Variants in ENPP3 observed in about 807,000 individuals in gnomAD.
ENPP3 encodes the protein ectonucleotide pyrophosphatase/phosphodiesterase family member 3.
Under a neutral mutation model 117.8 loss-of-function variants are expected in ENPP3, and 104 were observed. The observed-to-expected ratio is 0.88, with a 90% CI of 0.75 to 1.04. ENPP3 has a LOEUF of 1.04. ENPP3 is among the 50% of genes least tolerant of loss of function. The probability of loss-of-function intolerance (pLI) is 0.00; values close to 1 mark genes in which losing one functional copy is unlikely to be tolerated. For missense variants in ENPP3, 1,026 were observed against 1,051.9 expected (o/e 0.98, Z 0.34); for synonymous variants, 380 against 349.9 (o/e 1.09, Z -0.96).
intron 6 of ENPP3, among the ~76,000 whole-genome samples, chr6:131,667,122 G>T (rs918221248): frequency 1.3e-5 from 2 of 152,016 alleles, no homozygotes; most frequent in African/African-American, 4.8e-5. Flanking sequence ...GTTTTGTTTT[G>T]GTCGTGGGGC....
chr6:131,745,180 G>A (rs933346097), intron 24 of ENPP3, among the ~76,000 whole-genome samples: 4 of 151,926 alleles, frequency 2.6e-5, no homozygotes, highest in Admixed American at 2.6e-4. Flanking sequence ...GATATTAGGT[G>A]CTGCTGAAAT....
At chr6:131,646,917 A>G (rs1432188983) in intron 2 of ENPP3, among the ~76,000 whole-genome samples, 1 of 150,848 alleles carries the variant, frequency 6.6e-6, no homozygotes, top group African/African-American at 2.4e-5. Flanking sequence ...CTTTTTGTGA[A>G]ATTTTGTGGA....
intron 15 of ENPP3, among the ~76,000 whole-genome samples, chr6:131,711,385 C>A (rs1170325836): frequency 1.4e-5 from 2 of 140,544 alleles, no homozygotes; most frequent in Admixed American, 1.4e-4. Flanking sequence ...ATTACATAAT[C>A]TCTGGTTTTG....
intron 6 of ENPP3, among the ~76,000 whole-genome samples, chr6:131,660,381 A>C (rs564592851): frequency 1.1e-4 from 17 of 152,338 alleles, no homozygotes; most frequent in Admixed American, 5.2e-4. Flanking sequence ...CATATTAGTG[A>C]CTGTTAAGTG....
intron 5 of ENPP3, among the ~76,000 whole-genome samples, chr6:131,655,382 G>A (rs1339714612): frequency 6.6e-6 from 1 of 152,194 alleles, no homozygotes; most frequent in Non-Finnish European, 1.5e-5. Context: ...AGAATGAAAT[G>A]GAGGCAAAAG....
chr6:131,664,600 C>T (rs943631484), intron 6 of ENPP3, among the ~76,000 whole-genome samples: 7 of 152,210 alleles, frequency 4.6e-5, no homozygotes, highest in Admixed American at 3.9e-4. Context: ...TCACCACTCA[C>T]TCACTGACTT....
rs567310843 is a variant in ENPP3, at chr6:131,668,338, C to T, written c.563-2910C>T. On this transcript the variant is annotated intron_variant, in intron 6 of 24. Transcript: ENST00000357639. The stretch of plus-strand genomic sequence containing the variant: ...AGTGATTCTCCTGTCTCGCCCCCCC[C>T]TGAGGATCTGGGATTACAGGCACGC... Among the ~76,000 whole-genome samples, 18 of 151,328 alleles carry T rather than the reference C, an allele frequency of 1.2e-4. No individual in the cohort carries two copies. In the East Asian group the frequency reaches 3.3e-3, roughly 28 times the overall value.
chr6:131,676,925 A>G, intron 10 of ENPP3, 124 bp downstream of exon 10: 1 of 634,336 alleles, frequency 1.6e-6, no homozygotes. Flanking sequence ...GCATTGCCTT[A>G]TAATGGACAC....
At chr6:131,725,124 G>C (rs6908953) in intron 19 of ENPP3, among the ~76,000 whole-genome samples, 20,856 of 151,738 alleles carry the variant, frequency 0.14, 2,040 homozygotes, top group East Asian at 0.32. Flanking sequence ...TCAGGAGGAG[G>C]CTGAGGTAGG....
Position 131,692,698 on chromosome 6 carries a change from A to AAT in ENPP3, c.1285-793_1285-792dup, listed in dbSNP as rs201952088. 8.4e-3 allele frequency among the ~76,000 whole-genome samples: 1,233 copies of AAT among 146,420 alleles called. 18 individuals carry two copies. Among genetic ancestry groups the AAT allele is most frequent in the African/African-American group, 0.029 (1,171 of 40,252 alleles). On this transcript the variant is annotated intron_variant, in intron 14 of 24. Coordinates refer to ENST00000357639, the MANE Select transcript of ENPP3 (RefSeq NM_005021.5). ...ATATATGGTTATATATATTACATAT[A>AAT]ATATATAACCATATATAGTATATAT...
intron 1 of ENPP3, 28 bp downstream of exon 1, chr6:131,637,490 T>C (rs1462870939): frequency 7.7e-7 from 1 of 1,291,240 alleles, no homozygotes; most frequent in Non-Finnish European, 1.1e-6. Flanking sequence ...TTTTAGTCTT[T>C]CTAGTTTTGT....
rs145583301 is a variant in ENPP3 at position 131,680,604 on chromosome 6, G to A, written c.1012-2450G>A. On this transcript the variant is annotated intron_variant, in intron 11 of 24. Coordinates refer to ENST00000357639, the MANE Select transcript of ENPP3 (RefSeq NM_005021.5). ...ACTTGAGAAGAAGAGGCAAATGAAT[G>A]GAAGTAGAGATTTTCTGACTTTCTT... 8.0e-3 allele frequency among the ~76,000 whole-genome samples: 1,219 copies of A among 152,260 alleles called. 12 individuals are homozygous for A. Among genetic ancestry groups the A allele is most frequent in the African/African-American group, 0.025 (1,019 of 41,540 alleles).
Position 131,740,225 on chromosome 6 carries a change from C to T in ENPP3, c.2302C>T (p.His768Tyr). The T allele has an allele frequency of 6.3e-7, 1 of 1,577,282 alleles. No individual in the cohort carries two copies. The highest frequency in any genetic ancestry group is 8.6e-7 in the Non-Finnish European group (1 of 1,161,396). ...HFDAPDEITKHLANTDVPIPT... is the reference protein window; with the variant it reads ...HFDAPDEITKYLANTDVPIPT... ...CATGTTTTCAATTATGTTTGTAAGA[C>T]ATTTAGCCAACACTGATGTTCCCAT... is the stretch of plus-strand genomic sequence containing the variant. Residue 768 changes from histidine (H) to tyrosine (Y), a missense_variant and splice_region_variant, in exon 24 of 25, where the codon CAT (histidine) becomes TAT (tyrosine). His to Tyr is a moderately conservative substitution (Grantham distance 83). Transcript: ENST00000357639.
In ENPP3 at chr6:131,638,746, G is replaced by T. The variant is rs542942514; in HGVS notation, c.78+1284G>T. ...GGCCTCTAGTGTTTTCCTCAGCCAA[G>T]AATTCCAAGTAATCCACCAGCTCTG... On this transcript the variant is annotated intron_variant, in intron 1 of 24. Coordinates refer to ENST00000357639, the MANE Select transcript of ENPP3 (RefSeq NM_005021.5). Among the ~76,000 whole-genome samples the T allele has an allele frequency of 2.2e-4, 34 of 151,910 alleles. No homozygotes were observed. The South Asian group carries it at 7.1e-3, about 32-fold the overall frequency.
At chr6:131,736,434 T>G (rs1271641236) in intron 21 of ENPP3, among the ~76,000 whole-genome samples, 1 of 152,156 alleles carries the variant, frequency 6.6e-6, no homozygotes, top group African/African-American at 2.4e-5. Flanking sequence ...AGACAGCGTG[T>G]GCAGGGGAAC....
intron 5 of ENPP3, among the ~76,000 whole-genome samples, chr6:131,655,190 C>A (rs1778359830): frequency 6.6e-6 from 1 of 152,146 alleles, no homozygotes; most frequent in Non-Finnish European, 1.5e-5. Context: ...TTAAGGTGTG[C>A]CCATGGCCTC....
At chr6:131,734,057 C>T (rs985597312) in intron 21 of ENPP3, among the ~76,000 whole-genome samples, 7 of 152,116 alleles carry the variant, frequency 4.6e-5, no homozygotes. Context: ...AAGCTAAGGT[C>T]CACCTGGAGA....
Position 131,650,147 on chromosome 6 carries a change from C to A in ENPP3, c.275C>A (p.Ser92Ter). The A allele has an allele frequency of 6.2e-7, 1 of 1,613,934 alleles. No individual in the cohort carries two copies. Among genetic ancestry groups the A allele is most frequent in the Non-Finnish European group, 8.5e-7 (1 of 1,179,892 alleles). The change falls in exon 3 of 25, where the codon TCA becomes TAA. Residue 92 changes from serine to a stop codon, truncating the protein, a stop_gained and splice_region_variant. Coordinates refer to ENST00000357639, the MANE Select transcript of ENPP3 (RefSeq NM_005021.5). LOFTEE classifies it high-confidence loss of function. ...CWDFEDTCVE[S>*]TRIWMCNKFR... ...GATTTTGAAGACACCTGTGTGGAAT[C>A]AAGTATGAGTTCTGAGAATAAGTTT...
chr6:131,668,260 T>C (rs1043943935), intron 6 of ENPP3, among the ~76,000 whole-genome samples: 1 of 133,108 alleles, frequency 7.5e-6, no homozygotes, highest in Non-Finnish European at 1.5e-5. Context: ...TCGCCGAGGC[T>C]GGAGCACAGT....
Sources: gnomAD v4.1 joint callset for allele counts (sites outside exome capture counted in the v4.1 genomes callset) on GRCh38, gnomAD v4.1.1 for gene constraint, MANE v1.5 for transcripts, NCBI Gene and HGNC (gene_info 2026-07-23, HGNC 2026-07-21) for gene names.